The following AGBL4 variants were observed in gnomAD, a reference collection of about 807,000 sequenced individuals.
The protein encoded by AGBL4 is cytosolic carboxypeptidase 6.
AGBL4 carries 58 observed loss-of-function variants against 66.4 expected under a neutral mutation model. That is an observed-to-expected ratio of 0.87 (90% CI 0.71 to 1.09). The LOEUF (loss-of-function observed/expected upper bound fraction) is 1.09. AGBL4 is among the 50% of genes least tolerant of loss of function. AGBL4 has a pLI of 0.00. For synonymous variants in AGBL4, 234 were observed against 222.9 expected (o/e 1.05, Z -0.44); for missense variants, 579 against 631.0 (o/e 0.92, Z 0.88).
intron 1 of AGBL4, among the ~76,000 whole-genome samples, chr1:49,949,702 A>ACAG: frequency 6.6e-6 from 1 of 151,568 alleles, no homozygotes; most frequent in Admixed American, 6.6e-5. Context: ...AAATTAAAAA[A>ACAG]TAAATGTTGG....
chr1:49,257,840 G>A (rs1195551278), intron 3 of AGBL4, among the ~76,000 whole-genome samples: 1 of 152,244 alleles, frequency 6.6e-6, no homozygotes, highest in East Asian at 1.9e-4. Flanking sequence ...GGAGATCTGA[G>A]AACAGGCAGA....
At chr1:49,134,992 GTA>G (rs1471858723) in intron 4 of AGBL4, among the ~76,000 whole-genome samples, 1 of 151,652 alleles carries the variant, frequency 6.6e-6, no homozygotes, top group Non-Finnish European at 1.5e-5. Context: ...ATGAAGGTAC[GTA>G]TACATATATA....
chr1:49,207,570 CTTTCTTTCTTTCTTT>C (rs1648313308), intron 4 of AGBL4, among the ~76,000 whole-genome samples: 1 of 109,342 alleles, frequency 9.1e-6, no homozygotes, highest in African/African-American at 3.5e-5. Context: ...TTCTTTCTTT[CTTTCTTTCTTTCTTT>C]CTTTCTTTCT....
At chr1:49,386,710 G>A (rs912460437) in intron 3 of AGBL4, among the ~76,000 whole-genome samples, 2 of 151,928 alleles carry the variant, frequency 1.3e-5, no homozygotes, top group Admixed American at 6.6e-5. Context: ...GTATTTATCA[G>A]CTCAGATGGA....
rs1482567262 is a variant in AGBL4 at position 49,697,407 on chromosome 1, T to C, written c.188A>G (p.Glu63Gly). The stretch of plus-strand genomic sequence containing the variant: ...CCTAATGAACAGATCATACTCAAAC[T>C]CAGAGACCTGGTCCACCCGGCCCAG... ...GNLGRVDQVS[E>G]FEYDLFIRPD... Residue 63 changes from glutamate (E) to glycine (G), a missense_variant, in exon 3 of 14, where the codon GAG becomes GGG. Transcript: ENST00000371839. 1.6e-5 allele frequency: 25 copies of C among 1,532,990 alleles called. No homozygotes were observed. The highest frequency in any genetic ancestry group is 2.0e-5 in the Non-Finnish European group (23 of 1,132,506). 95.0% of individuals were successfully genotyped at this position (1,532,990 alleles called of 1,614,324 possible). A position where few individuals can be genotyped will look rare whatever the true frequency, so the allele number is the denominator to read the frequency against.
At chr1:49,100,964 G>A (rs987101246) in intron 4 of AGBL4, among the ~76,000 whole-genome samples, 13 of 151,990 alleles carry the variant, frequency 8.6e-5, no homozygotes, top group African/African-American at 2.4e-4. Flanking sequence ...ATGGTAGGGC[G>A]GACATTCAAG....
Position 48,736,113 on chromosome 1 carries a change from G to A in AGBL4, c.635-72872C>T, listed in dbSNP as rs189365670. ...TTTGGGTTATCCGCTTGGTGTCCCC[G>A]GGCTCAGCCCAGGGTCTGGCATGCA... On this transcript the variant is annotated intron_variant, in intron 6 of 13. Transcript: ENST00000371839. The surrounding 1 kb of genome is among the most constrained non-coding windows in gnomAD (Gnocchi z 4.0). 1,756 of 1,086,360 alleles carry A rather than the reference G, an allele frequency of 1.6e-3. 8 individuals carry two copies. Among genetic ancestry groups the A allele is most frequent in the Non-Finnish European group, 1.8e-3 (1,327 of 734,074 alleles). 67.3% of individuals were successfully genotyped at this position (1,086,360 alleles called of 1,614,324 possible). A position where few individuals can be genotyped will look rare whatever the true frequency, so the allele number is the denominator to read the frequency against.
At chr1:49,689,972 G>A (rs920173651) in intron 3 of AGBL4, among the ~76,000 whole-genome samples, 1 of 152,146 alleles carries the variant, frequency 6.6e-6, no homozygotes, top group Non-Finnish European at 1.5e-5. Context: ...GTCAACTGAT[G>A]TGGTATACCT....
intron 5 of AGBL4, among the ~76,000 whole-genome samples, chr1:48,886,197 G>C (rs1008377051): frequency 2.6e-5 from 4 of 152,186 alleles, no homozygotes; most frequent in African/African-American, 9.7e-5. Flanking sequence ...TTAAGACAGC[G>C]ACCACAGACC....
chr1:49,817,627 G>A (rs1010181103), intron 2 of AGBL4, among the ~76,000 whole-genome samples: 2 of 152,014 alleles, frequency 1.3e-5, no homozygotes, highest in Admixed American at 1.3e-4. Context: ...ACAAATCTGA[G>A]AGAGAAGAAA....
chr1:50,019,300 T>TCACA (rs1321424494), intron 1 of AGBL4, among the ~76,000 whole-genome samples: 154 of 72,080 alleles, frequency 2.1e-3, no homozygotes, highest in East Asian at 0.016. Context: ...TCTCTCTCTC[T>TCACA]CTCTCTCACA....
intron 5 of AGBL4, among the ~76,000 whole-genome samples, chr1:48,907,044 G>T (rs547435872): frequency 6.6e-6 from 1 of 152,294 alleles, no homozygotes; most frequent in Admixed American, 6.5e-5. Flanking sequence ...TAAACTTTCT[G>T]TATCTTGCTT....
At chr1:49,539,058 TAGTA>T (rs1651815077) in intron 3 of AGBL4, among the ~76,000 whole-genome samples, 1 of 152,130 alleles carries the variant, frequency 6.6e-6, no homozygotes, top group Admixed American at 6.5e-5. Flanking sequence ...AAATTTCAAA[TAGTA>T]AGTCTCCAGT....
intron 2 of AGBL4, among the ~76,000 whole-genome samples, chr1:49,832,943 T>G (rs1173854572): frequency 6.6e-6 from 1 of 152,080 alleles, no homozygotes; most frequent in Admixed American, 6.5e-5. Flanking sequence ...TGTTGTAGGT[T>G]GCCTGTTCAC....
At chr1:49,726,442 G>A (rs1484709222) in intron 2 of AGBL4, among the ~76,000 whole-genome samples, 2 of 152,172 alleles carry the variant, frequency 1.3e-5, no homozygotes, top group African/African-American at 4.8e-5. Context: ...TGGCTCAATA[G>A]AGTGGAAGAA....
At chr1:49,098,902 G>T (rs1258977516) in intron 4 of AGBL4, among the ~76,000 whole-genome samples, 1 of 152,136 alleles carries the variant, frequency 6.6e-6, no homozygotes, top group Non-Finnish European at 1.5e-5. Flanking sequence ...GTTTTCTGTT[G>T]TGTTCTATGG....
intron 11 of AGBL4, among the ~76,000 whole-genome samples, chr1:48,577,193 T>C (rs893962433): frequency 1.3e-5 from 2 of 152,254 alleles, no homozygotes; most frequent in East Asian, 3.8e-4. Context: ...ACTTTTGGGC[T>C]CTTCCCACAC....
intron 5 of AGBL4, among the ~76,000 whole-genome samples, chr1:48,946,804 G>C (rs1035213109): frequency 1.3e-5 from 2 of 152,178 alleles, no homozygotes; most frequent in African/African-American, 4.8e-5. Flanking sequence ...GGGAGGGCTT[G>C]ATAGCCCAGG....
In AGBL4 at chr1:49,423,582, G is replaced by A. The variant is rs951742541; in HGVS notation, c.283-177718C>T. ...CCCAGCACTTTGGGAGGCCAAGGTG[G>A]GCAGATCACCTGAAGTCAGGAGTTT... is the stretch of plus-strand genomic sequence containing the variant. On this transcript the variant is annotated intron_variant, in intron 3 of 13. Coordinates refer to ENST00000371839, the MANE Select transcript of AGBL4 (RefSeq NM_032785.4). Among the ~76,000 whole-genome samples the A allele has an allele frequency of 2.2e-4, 34 of 151,978 alleles. 1 individual carries two copies. Among genetic ancestry groups the A allele is most frequent in the Non-Finnish European group, 4.4e-5 (3 of 67,996 alleles).
Sources: allele counts gnomAD v4.1 joint callset (sites outside exome capture counted in the v4.1 genomes callset), GRCh38; gene constraint gnomAD v4.1.1; non-coding constraint Gnocchi (gnomAD v3.1); transcripts MANE v1.5; gene names NCBI Gene and HGNC (gene_info 2026-07-23, HGNC 2026-07-21).